The following SAMD5 variants were observed in gnomAD, a reference collection of about 807,000 sequenced individuals.
SAMD5 encodes sterile alpha motif domain containing 5, also known as sterile alpha motif domain-containing protein 5.
A neutral mutation model predicts 11.3 loss-of-function variants in SAMD5; 13 were observed. The ratio of observed to expected loss-of-function variants is 1.15; its 90% confidence interval spans 0.75 to 1.83. The LOEUF (loss-of-function observed/expected upper bound fraction) is 1.83. Among genes scored for constraint, SAMD5 ranks in the 40% most tolerant of loss-of-function variants. The pLI, the probability that SAMD5 is intolerant of heterozygous loss-of-function variation, is 0.00. For missense variants in SAMD5, 255 were observed against 239.1 expected (o/e 1.07, Z -0.44); for synonymous variants, 129 against 111.3 (o/e 1.16, Z -1.00).
At position 147,577,177 on chromosome 6, in the gene SAMD5, G is replaced by A. The variant is rs537407864; in HGVS notation, c.162+67790G>A. ...GAAAGTCTTTTTTCAGTGGATCTTT[G>A]GGTGAGGCAAGCTAACATCGTCTAT... On this transcript the variant is annotated intron_variant, in intron 1 of 1. Transcript: ENST00000566741. Among the ~76,000 whole-genome samples the A allele has an allele frequency of 6.6e-4, 101 of 152,246 alleles. 3 individuals are homozygous for A. The South Asian group carries it at 0.018, about 27-fold the overall frequency.
At chr6:147,760,356 C>A in the SAMD5 span, among the ~76,000 whole-genome samples, 4 of 152,142 alleles carry the variant, frequency 2.6e-5, no homozygotes, top group African/African-American at 9.6e-5. Flanking sequence ...CATCCAAAAG[C>A]TTATGTTTGA....
intron 1 of SAMD5, among the ~76,000 whole-genome samples, chr6:147,622,607 G>A (rs771523152): frequency 3.9e-5 from 6 of 152,176 alleles, no homozygotes; most frequent in Non-Finnish European, 8.8e-5. Flanking sequence ...CAGCCCACCA[G>A]GAACTATTTC....
intron 1 of SAMD5, among the ~76,000 whole-genome samples, chr6:147,613,705 G>C (rs1200499279): frequency 6.6e-6 from 1 of 151,546 alleles, no homozygotes; most frequent in Non-Finnish European, 1.5e-5. Context: ...AGAAAGAGAT[G>C]GAGAAGAAAG....
intron 1 of SAMD5, among the ~76,000 whole-genome samples, chr6:147,559,777 G>A (rs892326535): frequency 2.0e-5 from 3 of 152,112 alleles, no homozygotes; most frequent in Non-Finnish European, 2.9e-5. Context: ...TAGAATCTTA[G>A]AAAATGTACC....
chr6:147,717,816 A>T (rs1791489764), intron 1 of SAMD5, among the ~76,000 whole-genome samples: 1 of 152,086 alleles, frequency 6.6e-6, no homozygotes, highest in African/African-American at 2.4e-5. Context: ...GCACCACTGC[A>T]CTCCAGCCTG....
the SAMD5 span, among the ~76,000 whole-genome samples, chr6:147,924,902 TA>T: frequency 6.6e-6 from 1 of 152,100 alleles, no homozygotes; most frequent in Non-Finnish European, 1.5e-5. Context: ...TGATGATATG[TA>T]AAATTTGAAA....
chr6:147,918,503 A>G, the SAMD5 span, among the ~76,000 whole-genome samples: 1 of 152,080 alleles, frequency 6.6e-6, no homozygotes, highest in Non-Finnish European at 1.5e-5. Context: ...CAGGGCAATC[A>G]GGCAGGAGAA....
At chr6:147,823,209 G>A in the SAMD5 span, among the ~76,000 whole-genome samples, 1 of 152,258 alleles carries the variant, frequency 6.6e-6, no homozygotes, top group African/African-American at 2.4e-5. Context: ...AAATAATAAA[G>A]TTGGATTTCT....
the SAMD5 span, among the ~76,000 whole-genome samples, chr6:147,831,247 A>T: frequency 6.6e-6 from 1 of 152,256 alleles, no homozygotes; most frequent in Non-Finnish European, 1.5e-5. Context: ...TCCAAATCGA[A>T]TAAAAAGGTA....
the SAMD5 span, among the ~76,000 whole-genome samples, chr6:147,872,226 C>T: frequency 2.6e-4 from 40 of 152,158 alleles, no homozygotes; most frequent in Non-Finnish European, 4.4e-5. Context: ...CCACCTCAGC[C>T]TCCCAAGCAG....
At chr6:147,640,167 A>T (rs997339153) in intron 1 of SAMD5, among the ~76,000 whole-genome samples, 1 of 151,922 alleles carries the variant, frequency 6.6e-6, no homozygotes, top group Middle Eastern at 3.2e-3. Flanking sequence ...CTCTACTAAA[A>T]ATACAAAAAT....
At chr6:147,861,300 G>T in the SAMD5 span, among the ~76,000 whole-genome samples, 4 of 152,038 alleles carry the variant, frequency 2.6e-5, no homozygotes, top group African/African-American at 9.7e-5. Context: ...CAGTAGCTGG[G>T]ATTACAGGTG....
intron 1 of SAMD5, among the ~76,000 whole-genome samples, chr6:147,735,749 C>T (rs1016338700): frequency 3.3e-5 from 5 of 151,910 alleles, no homozygotes; most frequent in African/African-American, 9.7e-5. Flanking sequence ...TCCAGAGTCA[C>T]CATTGTAGAC....
intron 1 of SAMD5, among the ~76,000 whole-genome samples, chr6:147,578,820 T>C (rs1481864096): frequency 6.6e-6 from 1 of 152,132 alleles, no homozygotes; most frequent in Non-Finnish European, 1.5e-5. Flanking sequence ...CTATATTTGT[T>C]ACATATGATG....
chr6:147,551,643 G>A (rs702330), intron 1 of SAMD5, among the ~76,000 whole-genome samples: 111,642 of 151,458 alleles, frequency 0.74, 41,791 homozygotes, highest in East Asian at 1. Context: ...ATGTAATGTT[G>A]AATAGCATGA....
At chr6:147,633,275 C>T (rs1214012637) in intron 1 of SAMD5, among the ~76,000 whole-genome samples, 1 of 152,162 alleles carries the variant, frequency 6.6e-6, no homozygotes, top group Non-Finnish European at 1.5e-5. Context: ...ACCAGAATTA[C>T]AAGCCACGTG....
chr6:147,777,230 C>G, the SAMD5 span, among the ~76,000 whole-genome samples: 10 of 151,954 alleles, frequency 6.6e-5, no homozygotes, highest in African/African-American at 1.9e-4. Flanking sequence ...GCATCATGCC[C>G]CAATAATACC....
the SAMD5 span, among the ~76,000 whole-genome samples, chr6:147,829,709 G>T: frequency 6.6e-6 from 1 of 152,072 alleles, no homozygotes; most frequent in African/African-American, 2.4e-5. Context: ...TGTTCTCCAG[G>T]TGGATGGACA....
chr6:147,776,405 A>G, the SAMD5 span, among the ~76,000 whole-genome samples: 1 of 152,182 alleles, frequency 6.6e-6, no homozygotes, highest in African/African-American at 2.4e-5. Context: ...ACTCTCACCA[A>G]GAAAAAATAG....
Sources: allele counts gnomAD v4.1 joint callset (sites outside exome capture counted in the v4.1 genomes callset), GRCh38; gene constraint gnomAD v4.1.1; transcripts MANE v1.5; gene names NCBI Gene and HGNC (gene_info 2026-07-23, HGNC 2026-07-21).